The following TMEM163 variants were observed in gnomAD, a reference collection of about 807,000 sequenced individuals.
The protein encoded by TMEM163 is transmembrane protein 163.
A neutral mutation model predicts 29.3 loss-of-function variants in TMEM163; 17 were observed. The observed-to-expected ratio is 0.58, with a 90% CI of 0.40 to 0.87. The LOEUF is 0.87. Ranked by LOEUF, TMEM163 falls within the 40% of genes least tolerant of loss-of-function variation. The pLI, the probability that TMEM163 is intolerant of heterozygous loss-of-function variation, is 0.00. For missense variants in TMEM163, 303 were observed against 381.5 expected, an observed-to-expected ratio of 0.79 and a Z score of 1.71; for synonymous variants, 157 against 160.6, an observed-to-expected ratio of 0.98 and a Z score of 0.17.
intron 4 of TMEM163, among the ~76,000 whole-genome samples, chr2:134,522,914 T>C (rs1680217544): frequency 6.6e-6 from 1 of 152,232 alleles, no homozygotes; most frequent in African/African-American, 2.4e-5. Flanking sequence ...CGTGTGGCTT[T>C]GAGCAGACGT....
intron 5 of TMEM163, among the ~76,000 whole-genome samples, chr2:134,481,673 G>A (rs577669518): frequency 6.6e-5 from 10 of 152,268 alleles, no homozygotes; most frequent in African/African-American, 1.7e-4. Context: ...GAGTTGGGCC[G>A]TTGTTGATGC....
intron 2 of TMEM163, among the ~76,000 whole-genome samples, chr2:134,603,631 G>A (rs1324199476): frequency 2.6e-5 from 4 of 151,996 alleles, no homozygotes; most frequent in Admixed American, 6.6e-5. Flanking sequence ...GACCACACAC[G>A]CACACACATG....
chr2:134,579,968 A>C (rs143225532), intron 2 of TMEM163, among the ~76,000 whole-genome samples: 1 of 152,306 alleles, frequency 6.6e-6, no homozygotes, highest in East Asian at 1.9e-4. Flanking sequence ...TAAAAAAATA[A>C]AATGATGACA....
intron 5 of TMEM163, among the ~76,000 whole-genome samples, chr2:134,481,575 C>T (rs1679184884): frequency 6.6e-6 from 1 of 152,258 alleles, no homozygotes; most frequent in African/African-American, 2.4e-5. Context: ...CCTCTTTTTC[C>T]TTGTAAATTA....
At chr2:134,618,648 T>C (rs1223727874) in intron 2 of TMEM163, among the ~76,000 whole-genome samples, 7 of 152,000 alleles carry the variant, frequency 4.6e-5, no homozygotes, top group African/African-American at 1.7e-4. Context: ...TCAATAAATT[T>C]AAAATACTTA....
intron 2 of TMEM163, among the ~76,000 whole-genome samples, chr2:134,669,299 C>T (rs898680495): frequency 2.0e-5 from 3 of 152,148 alleles, no homozygotes; most frequent in Admixed American, 6.5e-5. Context: ...CACAAGGTAC[C>T]GAGTCTCTCC....
chr2:134,583,944 C>G (rs534299645), intron 2 of TMEM163, among the ~76,000 whole-genome samples: 1 of 152,280 alleles, frequency 6.6e-6, no homozygotes, highest in South Asian at 2.1e-4. Context: ...CCATAGCATC[C>G]CTCACAATCT....
intron 2 of TMEM163, among the ~76,000 whole-genome samples, chr2:134,560,023 G>A (rs1344024933): frequency 1.3e-5 from 2 of 152,040 alleles, no homozygotes; most frequent in South Asian, 2.1e-4. Flanking sequence ...GGGGCTCCTC[G>A]CTGACCTCCC....
chr2:134,677,382 C>T (rs1270654891), intron 2 of TMEM163, among the ~76,000 whole-genome samples: 2 of 152,204 alleles, frequency 1.3e-5, no homozygotes, highest in African/African-American at 4.8e-5. Flanking sequence ...ATGCAATCCA[C>T]ACACGAAAAG....
chr2:134,668,321 C>T (rs753624538), intron 2 of TMEM163, among the ~76,000 whole-genome samples: 10 of 152,064 alleles, frequency 6.6e-5, no homozygotes, highest in Non-Finnish European at 1.2e-4. Context: ...TCACTAGACC[C>T]GGTGTTGAGG....
At chr2:134,585,697 G>T (rs141890447) in intron 2 of TMEM163, among the ~76,000 whole-genome samples, 1 of 150,708 alleles carries the variant, frequency 6.6e-6, no homozygotes. Flanking sequence ...AGTCTAGATC[G>T]CGCCACTGCA....
intron 2 of TMEM163, among the ~76,000 whole-genome samples, chr2:134,552,352 A>T (rs938758997): frequency 6.6e-6 from 1 of 152,222 alleles, no homozygotes; most frequent in Non-Finnish European, 1.5e-5. Context: ...TTGCTTCAAC[A>T]GCTGTCAATC....
intron 7 of TMEM163, among the ~76,000 whole-genome samples, chr2:134,457,422 G>C (rs1046786553): frequency 6.6e-6 from 1 of 152,188 alleles, no homozygotes; most frequent in African/African-American, 2.4e-5. Context: ...GCTGGCAGTT[G>C]TCCCTCTTTT....
intron 2 of TMEM163, among the ~76,000 whole-genome samples, chr2:134,618,199 T>G (rs1385515653): frequency 6.6e-6 from 1 of 152,050 alleles, no homozygotes; most frequent in Non-Finnish European, 1.5e-5. Flanking sequence ...CAATTAGGTT[T>G]CATGTAAAAG....
At chr2:134,664,724 G>A (rs1026769126) in intron 2 of TMEM163, among the ~76,000 whole-genome samples, 1 of 152,190 alleles carries the variant, frequency 6.6e-6, no homozygotes, top group Non-Finnish European at 1.5e-5. Flanking sequence ...ACCAGAAGCT[G>A]GAAGGGGCAA....
At chr2:134,550,008 C>T (rs1352049138) in intron 4 of TMEM163, among the ~76,000 whole-genome samples, 1 of 152,026 alleles carries the variant, frequency 6.6e-6, no homozygotes, top group African/African-American at 2.4e-5. Context: ...GAACCTGTGT[C>T]CTTATTACCC....
At chr2:134,674,785 G>T (rs572174355) in intron 2 of TMEM163, among the ~76,000 whole-genome samples, 1 of 152,106 alleles carries the variant, frequency 6.6e-6, no homozygotes. Context: ...ACAATCTTGC[G>T]CAAAGGCCCT....
intron 2 of TMEM163, among the ~76,000 whole-genome samples, chr2:134,641,506 A>G (rs1683218608): frequency 6.6e-6 from 1 of 152,230 alleles, no homozygotes; most frequent in African/African-American, 2.4e-5. Context: ...TCAGAAAGAC[A>G]TGGTTAAGGA....
chr2:134,469,826 C>T lies in TMEM163; in HGVS notation c.556-3601G>A, dbSNP rs1314207201. ...TCATGGAGGCTGAGACAGTGAGGGT[C>T]ACGTACAGGTCCAGGCCATCTTCAT... On this transcript the variant is annotated intron_variant, in intron 5 of 7. Transcript: ENST00000281924. 3 of 152,458 alleles carry T rather than the reference C, an allele frequency of 2.0e-5. No homozygotes were observed. In the East Asian group the frequency reaches 5.8e-4, roughly 29 times the overall value. The allele number at this position is 152,458 out of a possible 1,614,324, so 9.4% of individuals were successfully genotyped here. A position where few individuals can be genotyped will look rare whatever the true frequency, so the allele number is the denominator to read the frequency against.
Sources: gnomAD v4.1 joint callset for allele counts (sites outside exome capture counted in the v4.1 genomes callset) on GRCh38, gnomAD v4.1.1 for gene constraint, MANE v1.5 for transcripts, NCBI Gene and HGNC (gene_info 2026-07-23, HGNC 2026-07-21) for gene names.